The following THSD7A variants were observed in gnomAD, a reference collection of about 807,000 sequenced individuals.
THSD7A encodes the protein thrombospondin type 1 domain containing 7A.
THSD7A carries 96 observed loss-of-function variants against 231.3 expected under a neutral mutation model. That is an observed-to-expected ratio of 0.41 (90% confidence interval 0.35 to 0.49). The LOEUF (loss-of-function observed/expected upper bound fraction) is 0.49, where lower values mean the gene tolerates loss of function less well. THSD7A is among the 20% of genes least tolerant of loss of function. The pLI is 0.05. For synonymous variants in THSD7A, 940 were observed against 743.3 expected, an observed-to-expected ratio of 1.26 and a Z score of -4.30; for missense variants, 2,290 against 2,070.2, an observed-to-expected ratio of 1.11 and a Z score of -2.06.
At chr7:11,666,309 AC>A (rs1783129087) in intron 1 of THSD7A, among the ~76,000 whole-genome samples, 1 of 152,098 alleles carries the variant, frequency 6.6e-6, no homozygotes, top group Non-Finnish European at 1.5e-5. Flanking sequence ...TACACCTTAT[AC>A]ATATAGACTG....
chr7:11,387,440 T>A (rs1002288005), intron 23 of THSD7A, among the ~76,000 whole-genome samples: 1 of 152,186 alleles, frequency 6.6e-6, no homozygotes, highest in Non-Finnish European at 1.5e-5. Flanking sequence ...CCCTCGTAGG[T>A]TGTATTCCTA....
At chr7:11,807,621 T>G (rs565355977) in intron 1 of THSD7A, among the ~76,000 whole-genome samples, 3 of 152,290 alleles carry the variant, frequency 2.0e-5, no homozygotes, top group Non-Finnish European at 4.4e-5. Flanking sequence ...CAAACTTATT[T>G]TGAATAAATC....
intron 1 of THSD7A, among the ~76,000 whole-genome samples, chr7:11,707,586 C>A (rs1474570926): frequency 6.6e-6 from 1 of 150,934 alleles, no homozygotes; most frequent in Non-Finnish European, 1.5e-5. Flanking sequence ...GTGTGCCTGG[C>A]AGGCAAAACC....
chr7:11,789,798 A>G (rs974911120), intron 1 of THSD7A, among the ~76,000 whole-genome samples: 2 of 152,004 alleles, frequency 1.3e-5, no homozygotes, highest in East Asian at 1.9e-4. Flanking sequence ...CCTTTAAATC[A>G]TCATGCATCT....
intron 22 of THSD7A, among the ~76,000 whole-genome samples, chr7:11,404,354 C>T (rs1422880252): frequency 6.6e-6 from 1 of 152,138 alleles, no homozygotes; most frequent in Non-Finnish European, 1.5e-5. Context: ...CATAGTAAGG[C>T]ATATACCACA....
intron 7 of THSD7A, among the ~76,000 whole-genome samples, chr7:11,481,173 G>A (rs1176339709): frequency 6.6e-6 from 1 of 152,148 alleles, no homozygotes; most frequent in Non-Finnish European, 1.5e-5. Context: ...AAGCTTGCAA[G>A]TGAGGTCTGA....
intron 1 of THSD7A, among the ~76,000 whole-genome samples, chr7:11,762,337 T>G (rs947352002): frequency 6.6e-6 from 1 of 152,168 alleles, no homozygotes; most frequent in African/African-American, 2.4e-5. Context: ...AGGTGTTGAA[T>G]TAATTTACAT....
intron 1 of THSD7A, among the ~76,000 whole-genome samples, chr7:11,688,156 C>A (rs1441149494): frequency 6.7e-6 from 1 of 148,570 alleles, no homozygotes; most frequent in Admixed American, 6.9e-5. Context: ...TGAGAACATG[C>A]GGTGGTTTTT....
intron 1 of THSD7A, among the ~76,000 whole-genome samples, chr7:11,671,929 G>A (rs1396964590): frequency 6.6e-6 from 1 of 152,018 alleles, no homozygotes; most frequent in Admixed American, 6.6e-5. Context: ...TATTAAGAAA[G>A]AACATTTATT....
chr7:11,426,643 G>T, intron 15 of THSD7A, 23 bp downstream of exon 15: 1 of 1,547,300 alleles, frequency 6.5e-7, no homozygotes, highest in Non-Finnish European at 8.7e-7. Context: ...CTATCAAAAA[G>T]CATGAGGTTT....
chr7:11,824,223 C>G (rs753257273), intron 1 of THSD7A, among the ~76,000 whole-genome samples: 3 of 152,032 alleles, frequency 2.0e-5, no homozygotes, highest in Non-Finnish European at 4.4e-5. Context: ...TCATTAAGGG[C>G]CAGTCTAATG....
At chr7:11,602,104 C>G (rs1198779589) in intron 2 of THSD7A, among the ~76,000 whole-genome samples, 1 of 152,144 alleles carries the variant, frequency 6.6e-6, no homozygotes, top group African/African-American at 2.4e-5. Flanking sequence ...TATCTATGCA[C>G]TTTGCAAATG....
chr7:11,746,196 C>G (rs917507714), intron 1 of THSD7A, among the ~76,000 whole-genome samples: 1 of 151,844 alleles, frequency 6.6e-6, no homozygotes. Context: ...TGTATTTAAA[C>G]ATTTATTTTG....
At chr7:11,671,596 T>C (rs906826401) in intron 1 of THSD7A, among the ~76,000 whole-genome samples, 1 of 152,180 alleles carries the variant, frequency 6.6e-6, no homozygotes, top group East Asian at 1.9e-4. Flanking sequence ...AAAATAATCT[T>C]TGTTGTTGTT....
chr7:11,413,896 G>A (rs1783873279), intron 17 of THSD7A: 1 of 152,246 alleles, frequency 6.6e-6, no homozygotes, highest in Admixed American at 6.6e-5. Flanking sequence ...TGACCCCTGT[G>A]ATTTCATCTC....
chr7:11,489,847 A>G (rs1057036970), intron 6 of THSD7A, among the ~76,000 whole-genome samples: 6 of 151,930 alleles, frequency 3.9e-5, no homozygotes, highest in African/African-American at 1.4e-4. Context: ...CAAACCCTTG[A>G]TATTCAATTT....
At chr7:11,385,502 T>G (rs1782695163) in intron 23 of THSD7A, 1 of 152,126 alleles carries the variant, frequency 6.6e-6, no homozygotes, top group African/African-American at 2.4e-5. Context: ...GTGAACTGAA[T>G]TTTAGAAATA....
At chr7:11,573,683 C>T (rs909262885) in intron 4 of THSD7A, among the ~76,000 whole-genome samples, 5 of 152,190 alleles carry the variant, frequency 3.3e-5, no homozygotes, top group African/African-American at 1.2e-4. Context: ...TAATTATTTA[C>T]TTCCTAGGCT....
chr7:11,565,137 G>C (rs537084247), intron 4 of THSD7A, among the ~76,000 whole-genome samples: 7 of 152,136 alleles, frequency 4.6e-5, no homozygotes, highest in African/African-American at 1.2e-4. Context: ...AAATTCTCAC[G>C]ATGTCCCTAA....
Sources: allele counts gnomAD v4.1 joint callset (sites outside exome capture counted in the v4.1 genomes callset), GRCh38; gene constraint gnomAD v4.1.1; transcripts MANE v1.5; gene names NCBI Gene and HGNC (gene_info 2026-07-23, HGNC 2026-07-21).